SGMS1: variants seen among roughly 807,000 people sequenced by gnomAD.
SGMS1 encodes the protein phosphatidylcholine:ceramide cholinephosphotransferase 1.
A neutral mutation model predicts 46.2 loss-of-function variants in SGMS1; 13 were observed. The observed-to-expected ratio is 0.28, with a 90% CI of 0.18 to 0.45. SGMS1 has a LOEUF of 0.45. SGMS1 is among the 20% of genes least tolerant of loss of function. SGMS1 has a pLI of 1.00. For missense variants in SGMS1, 324 were observed against 519.9 expected, an observed-to-expected ratio of 0.62 and a Z score of 3.66; for synonymous variants, 203 against 187.8, an observed-to-expected ratio of 1.08 and a Z score of -0.66.
intron 2 of SGMS1, among the ~76,000 whole-genome samples, chr10:50,564,548 C>G (rs950830910): frequency 6.6e-6 from 1 of 152,088 alleles, no homozygotes; most frequent in Non-Finnish European, 1.5e-5. Context: ...GGGCATACAC[C>G]CCGTAGCAAA....
chr10:50,385,065 G>T (rs1564897531), intron 6 of SGMS1, among the ~76,000 whole-genome samples: 1 of 151,312 alleles, frequency 6.6e-6, no homozygotes, highest in Admixed American at 6.6e-5. Context: ...AAGGGTGCTA[G>T]TTTTTTTTTA....
At chr10:50,518,722 A>G (rs1397872935) in intron 3 of SGMS1, among the ~76,000 whole-genome samples, 2 of 152,208 alleles carry the variant, frequency 1.3e-5, no homozygotes, top group South Asian at 2.1e-4. Flanking sequence ...CCCCGCCACA[A>G]TGAAAATATT....
chr10:50,547,677 C>T (rs1212614322), intron 2 of SGMS1, among the ~76,000 whole-genome samples: 1 of 152,138 alleles, frequency 6.6e-6, no homozygotes, highest in African/African-American at 2.4e-5. Flanking sequence ...AGGGACGCCT[C>T]CCTAACTCAT....
At chr10:50,467,590 G>C (rs968552922) in intron 3 of SGMS1, among the ~76,000 whole-genome samples, 16 of 152,108 alleles carry the variant, frequency 1.1e-4, no homozygotes, top group African/African-American at 3.1e-4. Context: ...TAAAAAATTA[G>C]TAAGCCCAGA....
chr10:50,520,577 A>G (rs1445913162), intron 2 of SGMS1, among the ~76,000 whole-genome samples: 1 of 152,216 alleles, frequency 6.6e-6, no homozygotes, highest in East Asian at 1.9e-4. Context: ...TCAGCCAGCA[A>G]GTGTCAAAGA....
chr10:50,610,300 A>C (rs953178773), intron 1 of SGMS1, among the ~76,000 whole-genome samples: 1 of 152,186 alleles, frequency 6.6e-6, no homozygotes, highest in African/African-American at 2.4e-5. Flanking sequence ...TTTCCATGGC[A>C]TAATTTTCAC....
chr10:50,616,393 C>T (rs191777363), intron 1 of SGMS1, among the ~76,000 whole-genome samples: 432 of 152,304 alleles, frequency 2.8e-3, no homozygotes, highest in South Asian at 4.6e-3. Flanking sequence ...ACCTCGGCCT[C>T]CCAAAGTGTT....
intron 3 of SGMS1, among the ~76,000 whole-genome samples, chr10:50,506,677 T>C (rs1480763471): frequency 1.3e-5 from 2 of 152,200 alleles, no homozygotes; most frequent in African/African-American, 4.8e-5. Flanking sequence ...GTGCTGCTTG[T>C]CCACAATTAT....
intron 2 of SGMS1, among the ~76,000 whole-genome samples, chr10:50,562,596 T>C (rs1373613067): frequency 6.6e-6 from 1 of 152,158 alleles, no homozygotes. Context: ...CAGGCTGGAG[T>C]GCAGTGGCGC....
chr10:50,410,673 G>A (rs1467644423), intron 6 of SGMS1, among the ~76,000 whole-genome samples: 3 of 152,196 alleles, frequency 2.0e-5, no homozygotes, highest in Non-Finnish European at 2.9e-5. Flanking sequence ...ATTCACCGAT[G>A]AGGGCAAGAC....
chr10:50,566,258 T>TA (rs1838287076), intron 2 of SGMS1, among the ~76,000 whole-genome samples: 1 of 152,054 alleles, frequency 6.6e-6, no homozygotes, highest in Non-Finnish European at 1.5e-5. Context: ...ACTGCAAAAG[T>TA]AAAATTCAAT....
intron 1 of SGMS1, among the ~76,000 whole-genome samples, chr10:50,610,855 C>G (rs1838743134): frequency 6.6e-6 from 1 of 152,124 alleles, no homozygotes; most frequent in Non-Finnish European, 1.5e-5. Context: ...ACACCTGTAT[C>G]CTGGCCTCGT....
At chr10:50,317,127 T>G (rs1197408164) in intron 8 of SGMS1, among the ~76,000 whole-genome samples, 1 of 152,190 alleles carries the variant, frequency 6.6e-6, no homozygotes, top group Non-Finnish European at 1.5e-5. Context: ...GCAGAATTAT[T>G]GTAAGTTATG....
In SGMS1 at chr10:50,344,043, G is replaced by A; in HGVS notation, c.72C>T (p.Tyr24=). 6.2e-7 allele frequency: 1 copy of A among 1,614,170 alleles called. No individual in the cohort carries two copies. Among genetic ancestry groups the A allele is most frequent in the Non-Finnish European group, 8.5e-7 (1 of 1,180,036 alleles). ...CTGTGAAATGCTCCAGAGGCTCACA[G>A]TATTCTGGCATAGCATTCTCCAGCA... ...DWLLENAMPE[Y]CEPLEHFTGQ... The change falls in exon 7 of 11, where the codon TAC becomes TAT. Residue 24 remains tyrosine, a synonymous_variant. Coordinates refer to ENST00000361781, the MANE Select transcript of SGMS1 (RefSeq NM_147156.4).
intron 6 of SGMS1, among the ~76,000 whole-genome samples, chr10:50,350,462 C>T (rs1033393571): frequency 3.3e-5 from 5 of 152,128 alleles, no homozygotes; most frequent in African/African-American, 4.8e-5. Flanking sequence ...AGTGTTAATC[C>T]CCAGGACAAT....
chr10:50,422,287 G>A (rs1426965125), intron 6 of SGMS1, among the ~76,000 whole-genome samples: 4 of 152,100 alleles, frequency 2.6e-5, no homozygotes, highest in Non-Finnish European at 5.9e-5. Flanking sequence ...ATATAATGAT[G>A]CTTAAGTTAT....
At chr10:50,581,492 C>T (rs984521884) in intron 2 of SGMS1, among the ~76,000 whole-genome samples, 2 of 152,152 alleles carry the variant, frequency 1.3e-5, no homozygotes, top group Non-Finnish European at 2.9e-5. Context: ...GCTGACATTA[C>T]AGGAAATAAG....
chr10:50,553,126 T>C (rs1588875051), intron 2 of SGMS1, among the ~76,000 whole-genome samples: 2 of 152,322 alleles, frequency 1.3e-5, no homozygotes, highest in East Asian at 3.9e-4. Flanking sequence ...ATGCCGACAC[T>C]AAATATTCTT....
chr10:50,624,138 T>G, upstream of SGMS1: 1 of 985,224 alleles, frequency 1.0e-6, no homozygotes, highest in Non-Finnish European at 1.2e-6. Flanking sequence ...CCCCTTGAAT[T>G]TTACTTTCAA....
Sources: allele counts gnomAD v4.1 joint callset (sites outside exome capture counted in the v4.1 genomes callset), GRCh38; gene constraint gnomAD v4.1.1; transcripts MANE v1.5; gene names NCBI Gene and HGNC (gene_info 2026-07-23, HGNC 2026-07-21).